SSH2: variants seen among roughly 807,000 people sequenced by gnomAD.
SSH2 encodes protein phosphatase Slingshot homolog 2.
SSH2 carries 37 observed loss-of-function variants against 135.2 expected under a neutral mutation model. The observed-to-expected ratio is 0.27, with a 90% CI of 0.21 to 0.36. SSH2 has a LOEUF of 0.36. Ranked by LOEUF, SSH2 falls within the 10% of genes least tolerant of loss-of-function variation. The pLI, the probability that SSH2 is intolerant of heterozygous loss-of-function variation, is 1.00. For missense variants in SSH2, 1,408 were observed against 1,765.3 expected, an observed-to-expected ratio of 0.80 and a Z score of 3.63; for synonymous variants, 628 against 646.2, an observed-to-expected ratio of 0.97 and a Z score of 0.43.
At chr17:29,712,568 C>A (rs534503732) in intron 3 of SSH2, among the ~76,000 whole-genome samples, 1 of 152,340 alleles carries the variant, frequency 6.6e-6, no homozygotes, top group East Asian at 1.9e-4. Flanking sequence ...CTTTGGAAGG[C>A]CAAGGTGGGT....
At chr17:29,716,600 T>C (rs755724589) in intron 3 of SSH2, 9 of 691,478 alleles carry the variant, frequency 1.3e-5, no homozygotes, top group Non-Finnish European at 2.4e-5. Context: ...GATTCGCATA[T>C]GCATGGCCAA....
At chr17:29,716,290 A>C in intron 3 of SSH2, 3 of 416,520 alleles carry the variant, frequency 7.2e-6, no homozygotes, top group Non-Finnish European at 9.0e-6. Context: ...AGTTGAACCC[A>C]GGTACCTTTC....
At chr17:29,646,584 C>T (rs1314170880) in intron 14 of SSH2, among the ~76,000 whole-genome samples, 1 of 152,112 alleles carries the variant, frequency 6.6e-6, no homozygotes, top group Non-Finnish European at 1.5e-5. Context: ...ACTGCAACCT[C>T]CGTCTCCCGG....
chr17:29,766,435 G>A (rs1030532825), intron 3 of SSH2, among the ~76,000 whole-genome samples: 3 of 151,446 alleles, frequency 2.0e-5, no homozygotes, highest in African/African-American at 2.4e-5. Flanking sequence ...TCTAGTCGGG[G>A]CAACAGAGTG....
chr17:29,827,073 C>T (rs1215562552), intron 2 of SSH2, among the ~76,000 whole-genome samples: 2 of 152,146 alleles, frequency 1.3e-5, no homozygotes, highest in Non-Finnish European at 2.9e-5. Context: ...TGTCATACTA[C>T]AAATTGTTGC....
intron 6 of SSH2, among the ~76,000 whole-genome samples, chr17:29,680,579 A>AAAAAAAT (rs2037935382): frequency 6.7e-6 from 1 of 149,618 alleles, no homozygotes; most frequent in Non-Finnish European, 1.5e-5. Context: ...AAAAAAAAAA[A>AAAAAAAT]AGAGTGATTC....
At chr17:29,659,836 TA>T (rs1373688559) in intron 11 of SSH2, among the ~76,000 whole-genome samples, 1 of 139,646 alleles carries the variant, frequency 7.2e-6, no homozygotes, top group African/African-American at 2.7e-5. Flanking sequence ...CCAGACATTT[TA>T]TATATATTTT....
chr17:29,915,279 T>C (rs779317870), intron 1 of SSH2, among the ~76,000 whole-genome samples: 4 of 152,228 alleles, frequency 2.6e-5, no homozygotes, highest in East Asian at 1.9e-4. Context: ...CAGACACTTA[T>C]AGAAAAAGCA....
At chr17:29,680,981 T>C (rs966874677) in intron 6 of SSH2, among the ~76,000 whole-genome samples, 1 of 151,988 alleles carries the variant, frequency 6.6e-6, no homozygotes, top group Non-Finnish European at 1.5e-5. Flanking sequence ...TTTGGACAAG[T>C]GACATTGATA....
At chr17:29,822,685 C>T (rs1319274492) in intron 2 of SSH2, among the ~76,000 whole-genome samples, 1 of 152,112 alleles carries the variant, frequency 6.6e-6, no homozygotes, top group Non-Finnish European at 1.5e-5. Flanking sequence ...TTAAACTTTC[C>T]TTTCTTCTGG....
chr17:29,930,053 G>C lies in SSH2; in HGVS notation c.-53C>G. On this transcript the variant is annotated 5_prime_UTR_variant, in exon 1 of 16. Transcript: ENST00000540801. ...GGGCATTCTTGTCCTGAGTGTGGGG[G>C]ACGGGAGGGTGACGGAGCCGGGATG... The C allele has an allele frequency of 1.3e-6, 2 of 1,490,644 alleles. No homozygotes were observed. Among genetic ancestry groups the C allele is most frequent in the Non-Finnish European group, 1.8e-6 (2 of 1,093,170 alleles). 92.3% of individuals were successfully genotyped at this position (1,490,644 alleles called of 1,614,324 possible). A position where few individuals can be genotyped will look rare whatever the true frequency, so the allele number is the denominator to read the frequency against.
intron 3 of SSH2, among the ~76,000 whole-genome samples, chr17:29,793,225 A>C (rs535832519): frequency 1.7e-4 from 26 of 152,198 alleles, no homozygotes; most frequent in Admixed American, 1.2e-3. Flanking sequence ...GTTTTCTTTT[A>C]ATGTTACTGG....
intron 1 of SSH2, among the ~76,000 whole-genome samples, chr17:29,874,529 A>G (rs2065995993): frequency 6.6e-6 from 1 of 151,918 alleles, no homozygotes; most frequent in Non-Finnish European, 1.5e-5. Context: ...TTCTCATGAG[A>G]TCTGATGGTT....
At chr17:29,739,805 A>G (rs1014106678) in intron 3 of SSH2, among the ~76,000 whole-genome samples, 1 of 152,210 alleles carries the variant, frequency 6.6e-6, no homozygotes, top group African/African-American at 2.4e-5. Flanking sequence ...TTTATTTGAT[A>G]TCTGCGTTCT....
chr17:29,757,382 A>T (rs2041161190), intron 3 of SSH2, among the ~76,000 whole-genome samples: 1 of 152,172 alleles, frequency 6.6e-6, no homozygotes, highest in East Asian at 1.9e-4. Context: ...CCTCTAGGTG[A>T]CCATGGACCT....
intron 5 of SSH2, among the ~76,000 whole-genome samples, chr17:29,693,280 T>TC (rs919620516): frequency 4.6e-5 from 7 of 151,100 alleles, no homozygotes; most frequent in African/African-American, 1.2e-4. Flanking sequence ...AAGAATAGCA[T>TC]CCCCCCCGTT....
intron 2 of SSH2, among the ~76,000 whole-genome samples, chr17:29,817,928 CTATTAT>C (rs970414807): frequency 1.3e-5 from 2 of 151,132 alleles, no homozygotes; most frequent in Non-Finnish European, 3.0e-5. Flanking sequence ...CAGCTAATTA[CTATTAT>C]TATTATTATT....
chr17:29,640,664 C>T (rs2036120865), intron 14 of SSH2: 1 of 152,074 alleles, frequency 6.6e-6, no homozygotes, highest in Non-Finnish European at 1.5e-5. Flanking sequence ...GCAATAGGAC[C>T]TGGAGGGAGA....
At chr17:29,823,115 T>C (rs1175717988) in intron 2 of SSH2, among the ~76,000 whole-genome samples, 1 of 152,206 alleles carries the variant, frequency 6.6e-6, no homozygotes, top group Non-Finnish European at 1.5e-5. Flanking sequence ...GTATAGATTA[T>C]AATTAGTAAA....
Sources: allele counts gnomAD v4.1 joint callset (sites outside exome capture counted in the v4.1 genomes callset), GRCh38; gene constraint gnomAD v4.1.1; transcripts MANE v1.5; gene names NCBI Gene and HGNC (gene_info 2026-07-23, HGNC 2026-07-21).